The following GPHN variants were observed in gnomAD, a reference collection of about 807,000 sequenced individuals.
GPHN encodes gephyrin.
Under a neutral mutation model 95.5 loss-of-function variants are expected in GPHN, and 17 were observed. That is an observed-to-expected ratio of 0.18 (90% CI 0.12 to 0.27). The LOEUF is 0.27. Among genes scored for constraint, GPHN ranks in the 10% least tolerant of loss-of-function variants. GPHN has a pLI of 1.00. For missense variants in GPHN, 660 were observed against 978.1 expected (o/e 0.67, Z 4.34); for synonymous variants, 320 against 322.5 (o/e 0.99, Z 0.08).
chr14:67,499,738 A>G, the GPHN span, among the ~76,000 whole-genome samples: 1 of 152,174 alleles, frequency 6.6e-6, no homozygotes, highest in Non-Finnish European at 1.5e-5. Flanking sequence ...AGTGCCAGAA[A>G]TACTTATGGC....
chr14:67,340,510 G>A, the GPHN span: 3 of 1,597,326 alleles, frequency 1.9e-6, no homozygotes. Context: ...TCAATCCGGG[G>A]AATGATGACT....
chr14:66,517,148 AAAAAG>A (rs1245432319), intron 1 of GPHN, among the ~76,000 whole-genome samples: 11 of 150,320 alleles, frequency 7.3e-5, no homozygotes, highest in African/African-American at 2.7e-4. Context: ...AAAAAAAAAA[AAAAAG>A]AAGAAACTGA....
chr14:66,536,452 C>G (rs2059148966), intron 1 of GPHN, among the ~76,000 whole-genome samples: 1 of 152,224 alleles, frequency 6.6e-6, no homozygotes, highest in African/African-American at 2.4e-5. Context: ...CCATTAGATT[C>G]AATTTGTTAA....
At chr14:67,208,141 A>C in the GPHN span, 6 of 1,593,910 alleles carry the variant, frequency 3.8e-6, no homozygotes, top group Middle Eastern at 2.1e-4. Context: ...ACTGTTCCAC[A>C]AACACCTATT....
intron 16 of GPHN, among the ~76,000 whole-genome samples, chr14:67,116,331 G>T (rs1331347573): frequency 2.6e-5 from 4 of 151,044 alleles, no homozygotes; most frequent in Non-Finnish European, 5.9e-5. Context: ...GAAAGAAACA[G>T]AAGGAAAAGA....
At chr14:67,192,921 T>C in the GPHN span, among the ~76,000 whole-genome samples, 1 of 146,804 alleles carries the variant, frequency 6.8e-6, no homozygotes, top group Non-Finnish European at 1.5e-5. Flanking sequence ...TAGATATATA[T>C]GTATATATAG....
At chr14:67,534,503 TA>T in the GPHN span, among the ~76,000 whole-genome samples, 18 of 150,128 alleles carry the variant, frequency 1.2e-4, 1 homozygote, top group South Asian at 1.7e-3. Flanking sequence ...TCCTGTCTGT[TA>T]AAAAAAAAAT....
At chr14:67,608,293 T>C in the GPHN span, among the ~76,000 whole-genome samples, 20 of 152,314 alleles carry the variant, frequency 1.3e-4, no homozygotes, top group East Asian at 9.6e-4. Flanking sequence ...TAGACTTTTT[T>C]CTTGCCATCA....
the GPHN span, chr14:67,725,373 G>A: frequency 1.9e-6 from 2 of 1,049,806 alleles, no homozygotes; most frequent in Non-Finnish European, 2.9e-6. Context: ...GACAGGTTCT[G>A]CCACATGAAC....
At chr14:67,412,344 C>G in the GPHN span, 8 of 394,168 alleles carry the variant, frequency 2.0e-5, no homozygotes, top group African/African-American at 1.5e-4. Flanking sequence ...AGGTGCGCCC[C>G]GCGCCCCTCA....
chr14:66,997,898 A>G (rs984689398), intron 9 of GPHN, among the ~76,000 whole-genome samples: 3 of 152,212 alleles, frequency 2.0e-5, no homozygotes, highest in Non-Finnish European at 4.4e-5. Context: ...TCATCTCATC[A>G]CCACATTTTC....
Position 66,673,932 on chromosome 14 carries a change from A to G in GPHN, c.65-7175A>G, listed in dbSNP as rs1334469938. ...CAATACATTTACACAATGTGTAATT[A>G]TAAAATCAGGGTATTTCGCATATCC... On this transcript the variant is annotated intron_variant, in intron 1 of 22. Transcript: ENST00000478722. Among the ~76,000 whole-genome samples the G allele has an allele frequency of 2.0e-5, 3 of 152,180 alleles. No individual in the cohort carries two copies. The East Asian group carries it at 5.8e-4, about 29-fold the overall frequency.
At chr14:67,105,593 A>G (rs982853465) in intron 13 of GPHN, among the ~76,000 whole-genome samples, 2 of 152,038 alleles carry the variant, frequency 1.3e-5, no homozygotes, top group African/African-American at 4.8e-5. Context: ...GACCTCTCAT[A>G]TTTCTTTTTA....
the GPHN span, among the ~76,000 whole-genome samples, chr14:67,234,791 C>G: frequency 6.1e-5 from 9 of 148,276 alleles, no homozygotes; most frequent in South Asian, 2.1e-3. Flanking sequence ...CTCAGGTGAT[C>G]CACCCGCCTC....
the GPHN span, chr14:67,200,605 A>T: frequency 9.8e-6 from 2 of 203,780 alleles, no homozygotes; most frequent in Non-Finnish European, 1.9e-5. Flanking sequence ...CTGCACTCAT[A>T]CTTGAGTACT....
At chr14:67,225,950 TGTGTGTGTGTGTGC>T in the GPHN span, among the ~76,000 whole-genome samples, 233 of 138,188 alleles carry the variant, frequency 1.7e-3, no homozygotes, top group African/African-American at 6.5e-3. Flanking sequence ...TGTGTGTGTG[TGTGTGTGTGTGTGC>T]GCGCGCGCGC....
chr14:66,867,017 G>A (rs2063248598), intron 4 of GPHN, among the ~76,000 whole-genome samples: 2 of 151,620 alleles, frequency 1.3e-5, no homozygotes, highest in Admixed American at 1.3e-4. Flanking sequence ...TGTCTCCTTT[G>A]ACCTTTCATC....
intron 9 of GPHN, among the ~76,000 whole-genome samples, chr14:66,975,937 C>G (rs2070184858): frequency 6.6e-6 from 1 of 152,004 alleles, no homozygotes; most frequent in African/African-American, 2.4e-5. Context: ...TTTGTAACAC[C>G]AAGATATTAA....
In GPHN at chr14:66,954,296, T is replaced by C. The variant is rs1254473211; in HGVS notation, c.829-10895T>C. Among the ~76,000 whole-genome samples, 3 of 152,222 alleles carry C rather than the reference T, an allele frequency of 2.0e-5. No homozygotes were observed. In the East Asian group the frequency reaches 5.8e-4, roughly 29 times the overall value. ...ATATGTCTTTCTATTTATTTGCCTT[T>C]AATTTCTTTCAGCAATGTTTTGTAA... is the stretch of plus-strand genomic sequence containing the variant. On this transcript the variant is annotated intron_variant, in intron 8 of 22. Coordinates refer to ENST00000478722, the MANE Select transcript of GPHN (RefSeq NM_020806.5).
Sources: gnomAD v4.1 joint callset for allele counts (sites outside exome capture counted in the v4.1 genomes callset) on GRCh38, gnomAD v4.1.1 for gene constraint, MANE v1.5 for transcripts, NCBI Gene and HGNC (gene_info 2026-07-23, HGNC 2026-07-21) for gene names.